Variants in SCYL1 observed in about 807,000 individuals in gnomAD.
SCYL1 encodes the protein SCY1 like pseudokinase 1, also known as N-terminal kinase-like protein.
A neutral mutation model predicts 94.8 loss-of-function variants in SCYL1; 85 were observed. The ratio of observed to expected loss-of-function variants is 0.90; its 90% CI spans 0.75 to 1.07. The LOEUF (loss-of-function observed/expected upper bound fraction) is 1.07. Among genes scored for constraint, SCYL1 ranks in the 50% least tolerant of loss-of-function variants. The probability of loss-of-function intolerance (pLI) is 0.00; values close to 1 mark genes in which losing one functional copy is unlikely to be tolerated. For missense variants in SCYL1, 968 were observed against 1,083.3 expected, an observed-to-expected ratio of 0.89 and a Z score of 1.49; for synonymous variants, 459 against 435.5, an observed-to-expected ratio of 1.05 and a Z score of -0.67.
rs960513869 is a variant in SCYL1 at position 65,525,152 on chromosome 11, C to T, written c.-2C>T. The T allele has an allele frequency of 2.2e-6, 3 of 1,339,594 alleles. No individual in the cohort carries two copies. The highest frequency in any genetic ancestry group is 1.9e-5 in the South Asian group (1 of 52,436). The allele number at this position is 1,339,594 out of a possible 1,614,324, so 83.0% of individuals were successfully genotyped here. A position where few individuals can be genotyped will look rare whatever the true frequency, so the allele number is the denominator to read the frequency against. ...CCCGAACCCGCGGCGGCGGTGGGGA[C>T]GATGTGGTTCTTTGCCCGGGACCCG... On this transcript the variant is annotated 5_prime_UTR_variant, in exon 1 of 18. In the 5' UTR this introduces an upstream ATG that the reference lacks. Transcript: ENST00000270176.
Position 65,538,519 on chromosome 11 carries a change from A to T in SCYL1, c.2380A>T (p.Lys794Ter). ...GATGGAGGCCAAACGCGCCGAGAGG[A>T]AGGTGGCCAAGGGCCCCATGAAGCT... ...REMEAKRAER[K>*]VAKGPMKLGA... is the part of the protein sequence containing the mutation. Residue 794 changes from lysine (K) to a stop codon, truncating the protein, a stop_gained, in exon 18 of 18, where the codon AAG (lysine) becomes TAG (stop). Coordinates refer to ENST00000270176, the MANE Select transcript of SCYL1 (RefSeq NM_020680.4). LOFTEE classifies it high-confidence loss of function. 1 of 1,610,320 alleles carries T rather than the reference A, an allele frequency of 6.2e-7. No homozygotes were observed. Among genetic ancestry groups the T allele is most frequent in the Non-Finnish European group, 8.5e-7 (1 of 1,179,010 alleles).
chr11:65,535,533 G>T (rs1020384081), intron 10 of SCYL1, 151 bp downstream of exon 10: 2 of 1,026,624 alleles, frequency 1.9e-6, no homozygotes, highest in Admixed American at 5.4e-5. Flanking sequence ...CCCAGAGGAG[G>T]AGTGAGTTGG....
chr11:65,536,479 C>T, intron 12 of SCYL1, 107 bp from the exon 13 acceptor site: 1 of 1,444,488 alleles, frequency 6.9e-7, no homozygotes, highest in Admixed American at 1.9e-5. Context: ...AGAAATCAGG[C>T]CTGGAGAAAG....
rs762057890 is a variant in SCYL1 at position 65,526,256 on chromosome 11, G to A, written c.508G>A (p.Gly170Ser). The change falls in exon 4 of 18, where the codon GGT becomes AGT. Residue 170 changes from glycine to serine, a missense_variant. Physicochemically the swap from Gly to Ser is moderately conservative, Grantham distance 56. This residue lies in a region of SCYL1 where 494 missense variants were observed against 619.7 expected (regional missense o/e 0.80). Coordinates refer to ENST00000270176, the MANE Select transcript of SCYL1 (RefSeq NM_020680.4). This position sits in a 1 kb window ranked among gnomAD's most constrained non-coding sequence, Gnocchi z 4.1. ...LDYMYSAQGN[G>S]GGPPRKGIPE... ...CTACATGTATTCGGCCCAGGGCAAC[G>A]GTGGGGGACCTCCCCGCAAGGGGAT... is the stretch of plus-strand genomic sequence containing the variant. 12 of 1,613,202 alleles carry A rather than the reference G, an allele frequency of 7.4e-6. No individual in the cohort carries two copies. The highest frequency in any genetic ancestry group is 4.5e-5 in the East Asian group (2 of 44,894).
chr11:65,536,481 T>C, intron 12 of SCYL1, 105 bp from the exon 13 acceptor site: 1 of 1,452,392 alleles, frequency 6.9e-7, no homozygotes, highest in South Asian at 1.2e-5. Flanking sequence ...AAATCAGGCC[T>C]GGAGAAAGGA....
At chr11:65,536,798 T>C in intron 13 of SCYL1, 48 bp downstream of exon 13, 2 of 1,548,990 alleles carry the variant, frequency 1.3e-6, no homozygotes, top group South Asian at 2.4e-5. Flanking sequence ...GGCTGAGAGC[T>C]GCAGGCACCC....
At chr11:65,537,250 C>A in intron 14 of SCYL1, 122 bp downstream of exon 14, 1 of 1,083,678 alleles carries the variant, frequency 9.2e-7, no homozygotes, top group Non-Finnish European at 1.4e-6. Flanking sequence ...GCATCCCTGG[C>A]ACGTAGGCCT....
At chr11:65,525,836 T>A in intron 2 of SCYL1, 85 bp from the exon 3 acceptor site, 1 of 1,581,178 alleles carries the variant, frequency 6.3e-7, no homozygotes, top group Non-Finnish European at 8.6e-7. Flanking sequence ...GGTTTCCTCT[T>A]CCCCATCTCT....
intron 1 of SCYL1, 82 bp from the exon 2 acceptor site, chr11:65,525,492 G>C (rs1166828899): frequency 6.5e-7 from 1 of 1,534,534 alleles, no homozygotes; most frequent in African/African-American, 1.4e-5. Flanking sequence ...GGCTGACCTG[G>C]GGAGAGACCT....
At position 65,526,434 on chromosome 11, in the gene SCYL1, C is replaced by A. The variant is rs777248321; in HGVS notation, c.602+84C>A. 26 of 1,098,120 alleles carry A rather than the reference C, an allele frequency of 2.4e-5. No individual in the cohort carries two copies. Among genetic ancestry groups the A allele is most frequent in the Non-Finnish European group, 3.4e-5 (26 of 768,604 alleles). 68.0% of individuals were successfully genotyped at this position (1,098,120 alleles called of 1,614,324 possible). A position where few individuals can be genotyped will look rare whatever the true frequency, so the allele number is the denominator to read the frequency against. On this transcript the variant is annotated intron_variant, in intron 4 of 17. Coordinates refer to ENST00000270176, the MANE Select transcript of SCYL1 (RefSeq NM_020680.4). The surrounding 1 kb of genome is among the most constrained non-coding windows in gnomAD (Gnocchi z 4.1). ...CAGGACTCCTAGACTAGTTGGCACT[C>A]CCCTGTTCCCTGCTGCCTGGCTGGG...
chr11:65,525,514 C>A, intron 1 of SCYL1, 60 bp from the exon 2 acceptor site: 1 of 1,575,594 alleles, frequency 6.3e-7, no homozygotes, highest in South Asian at 1.1e-5. Context: ...GCTGCGGGCC[C>A]TTGTCTTCCG....
chr11:65,535,898 C>T, intron 10 of SCYL1, 55 bp from the exon 11 acceptor site: 1 of 1,485,630 alleles, frequency 6.7e-7, no homozygotes, highest in African/African-American at 1.4e-5. Context: ...GCTGGTGGTT[C>T]TGGGTCCCAA....
chr11:65,526,613 T>G lies in SCYL1; in HGVS notation c.603-170T>G, dbSNP rs533739462. ...ATGTGCCTAGTTCTCTGAGGCTTGG[T>G]TTTTTTAATCTGTTAAGTGAGGCTA... On this transcript the variant is annotated intron_variant, in intron 4 of 17. Transcript: ENST00000270176. The surrounding 1 kb of genome is among the most constrained non-coding windows in gnomAD (Gnocchi z 4.1). Among the ~76,000 whole-genome samples the G allele has an allele frequency of 4.1e-4, 63 of 152,258 alleles. No homozygotes were observed. The highest frequency in any genetic ancestry group is 8.1e-4 in the Non-Finnish European group (55 of 67,996).
At position 65,527,382 on chromosome 11, in the gene SCYL1, A is replaced by C. The variant is rs1193017909; in HGVS notation, c.849+265A>C. On this transcript the variant is annotated intron_variant, in intron 6 of 17. Coordinates refer to ENST00000270176, the MANE Select transcript of SCYL1 (RefSeq NM_020680.4). ...AACACTGGAAACTTTTTGACCACCA[A>C]CATTACAATCCAAGGAAATGCCCAT... Among the ~76,000 whole-genome samples, 4 of 152,160 alleles carry C rather than the reference A, an allele frequency of 2.6e-5. No individual in the cohort carries two copies. The East Asian group carries it at 5.8e-4, about 22-fold the overall frequency.
At chr11:65,525,415 C>A in intron 1 of SCYL1, 151 bp downstream of exon 1, 2 of 1,071,326 alleles carry the variant, frequency 1.9e-6, no homozygotes, top group South Asian at 1.7e-5. Flanking sequence ...ACGTGGCGGG[C>A]GGAGGGACCG....
At chr11:65,531,420 T>C (rs1274189959) in intron 7 of SCYL1, among the ~76,000 whole-genome samples, 156 bp from the exon 8 acceptor site, 1 of 152,052 alleles carries the variant, frequency 6.6e-6, no homozygotes, top group Admixed American at 6.6e-5. Context: ...AAGGCTGAGA[T>C]GGAATATGGG....
At chr11:65,535,156 C>CAGGAGGCT in intron 9 of SCYL1, 71 bp from the exon 10 acceptor site, 2 of 1,576,636 alleles carry the variant, frequency 1.3e-6, no homozygotes, top group Non-Finnish European at 1.7e-6. Context: ...TGAGGGCTGC[C>CAGGAGGCT]AGGAGGCTGT....
chr11:65,537,421 T>C (rs1449986280), intron 14 of SCYL1, among the ~76,000 whole-genome samples: 13 of 151,670 alleles, frequency 8.6e-5, no homozygotes, highest in African/African-American at 2.9e-4. Flanking sequence ...CACCCAGCCA[T>C]GGGGGTCAGC....
At chr11:65,530,208 C>A (rs1855296836) in intron 6 of SCYL1, among the ~76,000 whole-genome samples, 1 of 152,162 alleles carries the variant, frequency 6.6e-6, no homozygotes, top group Admixed American at 6.5e-5. Flanking sequence ...CCTCTTTGAT[C>A]TTCAGTTTCC....
Sources: allele counts gnomAD v4.1 joint callset (sites outside exome capture counted in the v4.1 genomes callset), GRCh38; gene constraint gnomAD v4.1.1; regional missense constraint gnomAD v4.1.1; non-coding constraint Gnocchi (gnomAD v3.1); transcripts MANE v1.5; gene names NCBI Gene and HGNC (gene_info 2026-07-23, HGNC 2026-07-21).